Variants in CRB1 observed in about 807,000 individuals in gnomAD.
CRB1 encodes the protein crumbs cell polarity complex component 1, also known as protein crumbs homolog 1.
A neutral mutation model predicts 120.0 loss-of-function variants in CRB1; 83 were observed. The observed-to-expected ratio is 0.69, with a 90% confidence interval of 0.58 to 0.83. CRB1 has a LOEUF of 0.83. Among genes scored for constraint, CRB1 ranks in the 40% least tolerant of loss-of-function variants. CRB1 has a pLI of 0.00. For missense variants in CRB1, 1,699 were observed against 1,687.6 expected (o/e 1.01, Z -0.12); for synonymous variants, 625 against 612.5 (o/e 1.02, Z -0.30).
At chr1:197,287,719 C>A (rs548460560) in intron 1 of CRB1, among the ~76,000 whole-genome samples, 21 of 151,944 alleles carry the variant, frequency 1.4e-4, no homozygotes, top group Non-Finnish European at 2.4e-4. Context: ...AAAAGAAATA[C>A]AACTAGCCAA....
At chr1:197,424,254 T>C (rs996163736) in intron 6 of CRB1, among the ~76,000 whole-genome samples, 2 of 152,234 alleles carry the variant, frequency 1.3e-5, no homozygotes, top group Middle Eastern at 3.4e-3. Context: ...TTGCCAAAAA[T>C]TGCCCAAAAG....
chr1:197,412,752 A>T (rs1558118642), intron 5 of CRB1, among the ~76,000 whole-genome samples: 1 of 152,206 alleles, frequency 6.6e-6, no homozygotes, highest in African/African-American at 2.4e-5. Flanking sequence ...CTTCACTATC[A>T]TATCTCCTGC....
At chr1:197,394,449 T>G (rs1662670967) in intron 5 of CRB1, among the ~76,000 whole-genome samples, 1 of 152,006 alleles carries the variant, frequency 6.6e-6, no homozygotes, top group Admixed American at 6.6e-5. Flanking sequence ...GATTTTCTAC[T>G]CTTCAGGGGT....
At chr1:197,460,560 C>T (rs1244547543) in intron 11 of CRB1, among the ~76,000 whole-genome samples, 2 of 152,126 alleles carry the variant, frequency 1.3e-5, no homozygotes, top group Non-Finnish European at 2.9e-5. Flanking sequence ...ATGCACTCAA[C>T]ATGCAATGCC....
chr1:197,374,906 G>A (rs1209451950), intron 5 of CRB1, among the ~76,000 whole-genome samples: 1 of 152,064 alleles, frequency 6.6e-6, no homozygotes, highest in African/African-American at 2.4e-5. Context: ...CCCACCTAGA[G>A]GAGAGCTAGA....
intron 1 of CRB1, among the ~76,000 whole-genome samples, chr1:197,306,406 A>G (rs187121005): frequency 2.6e-5 from 4 of 152,346 alleles, no homozygotes; most frequent in Admixed American, 2.6e-4. Flanking sequence ...TATTGAAGGC[A>G]GATATCCTGT....
rs937310739 is a variant in CRB1 at position 197,420,997 on chromosome 1, C to T, written c.1172-3C>T. ...ATTTTAGCCCTTTTTTATTATTTAACAGGAATCCACTGCGAAGAAGACGTC... is the reference window on the plus strand; with the variant it reads ...ATTTTAGCCCTTTTTTATTATTTAATAGGAATCCACTGCGAAGAAGACGTC... On this transcript the variant is annotated splice_polypyrimidine_tract_variant and splice_region_variant and intron_variant, in intron 5 of 11. Transcript: ENST00000367400. 1 of 1,503,824 alleles carries T rather than the reference C, an allele frequency of 6.6e-7. No individual in the cohort carries two copies. The highest frequency in any genetic ancestry group is 1.7e-5 in the Admixed American group (1 of 59,902). 93.2% of individuals were successfully genotyped at this position (1,503,824 alleles called of 1,614,324 possible).
chr1:197,227,966 C>T, the CRB1 span, among the ~76,000 whole-genome samples: 1 of 152,196 alleles, frequency 6.6e-6, no homozygotes, highest in Non-Finnish European at 1.5e-5. Flanking sequence ...GGCTTACGTC[C>T]TCTGAAACCA....
rs1658597968 is a variant in CRB1, at chr1:197,327,694, T to C, written c.71-728T>C. The stretch of plus-strand genomic sequence containing the variant: ...TAGAAATAATTGCTTATAGTAACTA[T>C]ATAAAATCTTTTCTTTTCTCTTGTG... On this transcript the variant is annotated intron_variant, in intron 1 of 11. Transcript: ENST00000367400. Among the ~76,000 whole-genome samples, 3 of 152,140 alleles carry C rather than the reference T, an allele frequency of 2.0e-5. No homozygotes were observed. In the South Asian group the frequency reaches 6.2e-4, roughly 32 times the overall value.
At chr1:197,436,521 T>C (rs1038102202) in intron 9 of CRB1, among the ~76,000 whole-genome samples, 3 of 152,010 alleles carry the variant, frequency 2.0e-5, no homozygotes, top group African/African-American at 7.2e-5. Flanking sequence ...AATAAACATG[T>C]TTTAATTATT....
intron 11 of CRB1, among the ~76,000 whole-genome samples, chr1:197,469,575 G>A (rs1044251590): frequency 3.9e-5 from 6 of 152,064 alleles, no homozygotes; most frequent in Admixed American, 6.6e-5. Context: ...TGAGTTACAC[G>A]CTCTGAATCT....
intron 8 of CRB1, 61 bp downstream of exon 8, chr1:197,429,675 G>C: frequency 6.5e-7 from 1 of 1,537,458 alleles, no homozygotes; most frequent in South Asian, 1.1e-5. Context: ...GTTGTTCCAA[G>C]AGCAAACACA....
chr1:197,289,429 C>G (rs1477800405), intron 1 of CRB1, among the ~76,000 whole-genome samples: 1 of 151,564 alleles, frequency 6.6e-6, no homozygotes, highest in Non-Finnish European at 1.5e-5. Context: ...TTTTCTTTAT[C>G]TTCAGTGTAT....
At chr1:197,448,100 T>A (rs1382134484) in intron 11 of CRB1, among the ~76,000 whole-genome samples, 1 of 152,186 alleles carries the variant, frequency 6.6e-6, no homozygotes, top group Admixed American at 6.5e-5. Context: ...ATTGCTACCT[T>A]CATTTTACTT....
At chr1:197,425,213 G>A (rs2125478479) in intron 6 of CRB1, among the ~76,000 whole-genome samples, 1 of 152,266 alleles carries the variant, frequency 6.6e-6, no homozygotes, top group East Asian at 1.9e-4. Flanking sequence ...TGTATTCAGA[G>A]ATGTTAACCT....
the CRB1 span, among the ~76,000 whole-genome samples, chr1:197,223,586 C>T: frequency 6.6e-6 from 1 of 152,080 alleles, no homozygotes; most frequent in Non-Finnish European, 1.5e-5. Context: ...GAAAAATGCA[C>T]TGAATTTATT....
chr1:197,329,457 C>G (rs551736519), intron 2 of CRB1, among the ~76,000 whole-genome samples: 15 of 152,100 alleles, frequency 9.9e-5, no homozygotes, highest in Non-Finnish European at 1.9e-4. Context: ...GCTGATGGAG[C>G]ATGGTATATC....
At chr1:197,251,708 G>A in the CRB1 span, among the ~76,000 whole-genome samples, 48 of 151,898 alleles carry the variant, frequency 3.2e-4, no homozygotes, top group South Asian at 7.5e-3. Context: ...TTTCTATAGA[G>A]CTTGTTTCCT....
intron 11 of CRB1, among the ~76,000 whole-genome samples, chr1:197,446,830 G>C (rs1665723849): frequency 6.6e-6 from 1 of 152,118 alleles, no homozygotes; most frequent in Non-Finnish European, 1.5e-5. Context: ...TAATATCTTT[G>C]TTGATTGGAT....
Sources: allele counts gnomAD v4.1 joint callset (sites outside exome capture counted in the v4.1 genomes callset), GRCh38; gene constraint gnomAD v4.1.1; transcripts MANE v1.5; gene names NCBI Gene and HGNC (gene_info 2026-07-23, HGNC 2026-07-21).